Variants in TRAPPC9 observed in about 807,000 individuals in gnomAD.
TRAPPC9 encodes trafficking protein particle complex subunit 9.
Under a neutral mutation model 124.0 loss-of-function variants are expected in TRAPPC9, and 83 were observed. The ratio of observed to expected loss-of-function variants is 0.67; its 90% CI spans 0.56 to 0.80. The LOEUF (loss-of-function observed/expected upper bound fraction) is 0.80, where lower values mean the gene tolerates loss of function less well. Ranked by LOEUF, TRAPPC9 falls within the 30% of genes least tolerant of loss-of-function variation. The probability of loss-of-function intolerance (pLI) is 0.00; values close to 1 mark genes in which losing one functional copy is unlikely to be tolerated. For synonymous variants in TRAPPC9, 638 were observed against 617.5 expected (o/e 1.03, Z -0.49); for missense variants, 1,302 against 1,508.3 (o/e 0.86, Z 2.27).
intron 19 of TRAPPC9, among the ~76,000 whole-genome samples, chr8:139,924,481 T>A (rs1469188808): frequency 6.6e-6 from 1 of 152,198 alleles, no homozygotes; most frequent in South Asian, 2.1e-4. Context: ...CTTGCCTGCA[T>A]ACGTGTACCA....
intron 16 of TRAPPC9, among the ~76,000 whole-genome samples, chr8:140,224,405 T>A (rs1052993045): frequency 2.0e-5 from 3 of 152,142 alleles, no homozygotes; most frequent in Non-Finnish European, 4.4e-5. Context: ...GCCTGCAGAT[T>A]TCAGAAGAGT....
At chr8:140,452,419 C>CAA (rs1161960216) in intron 1 of TRAPPC9, among the ~76,000 whole-genome samples, 37 of 39,900 alleles carry the variant, frequency 9.3e-4, no homozygotes, top group East Asian at 2.0e-3. Flanking sequence ...GACTGCATCT[C>CAA]AAAAAAAAAA....
At chr8:140,133,685 A>G (rs935577307) in intron 17 of TRAPPC9, among the ~76,000 whole-genome samples, 1 of 152,262 alleles carries the variant, frequency 6.6e-6, no homozygotes, top group Non-Finnish European at 1.5e-5. Flanking sequence ...GAAAGCTACT[A>G]GAGCTAATAA....
intron 16 of TRAPPC9, among the ~76,000 whole-genome samples, chr8:140,251,973 T>A (rs2064140723): frequency 6.6e-6 from 1 of 152,136 alleles, no homozygotes. Flanking sequence ...ACTGAAAGAC[T>A]CCACACTGCC....
intron 18 of TRAPPC9, among the ~76,000 whole-genome samples, chr8:139,996,712 T>C (rs1040653605): frequency 3.3e-5 from 5 of 152,220 alleles, no homozygotes; most frequent in Admixed American, 3.3e-4. Context: ...AAAAAGTTTT[T>C]TGTTTTTGCT....
intron 6 of TRAPPC9, among the ~76,000 whole-genome samples, chr8:140,404,290 G>A (rs2069392083): frequency 6.6e-6 from 1 of 152,068 alleles, no homozygotes; most frequent in Admixed American, 6.6e-5. Flanking sequence ...GGGCAAAAAT[G>A]TTCAGTAAAG....
chr8:140,439,815 T>C (rs1369293787), intron 2 of TRAPPC9, among the ~76,000 whole-genome samples: 1 of 152,220 alleles, frequency 6.6e-6, no homozygotes, highest in Non-Finnish European at 1.5e-5. Flanking sequence ...TTTTATCATT[T>C]TTAAATACAT....
chr8:140,317,941 C>T (rs2066483397), intron 9 of TRAPPC9, among the ~76,000 whole-genome samples: 1 of 152,074 alleles, frequency 6.6e-6, no homozygotes, highest in Admixed American at 6.5e-5. Flanking sequence ...AGGAACAACC[C>T]TGGACATTTG....
intron 11 of TRAPPC9, among the ~76,000 whole-genome samples, chr8:140,299,747 G>A (rs988282007): frequency 2.0e-5 from 3 of 152,240 alleles, no homozygotes; most frequent in Admixed American, 6.5e-5. Context: ...GGACAGGGCC[G>A]GTGGTGCATG....
At chr8:139,762,363 T>A (rs1246469726) in intron 21 of TRAPPC9, among the ~76,000 whole-genome samples, 3 of 152,124 alleles carry the variant, frequency 2.0e-5, no homozygotes, top group Non-Finnish European at 4.4e-5. Flanking sequence ...AGCTTAACAC[T>A]GCGGATAGGT....
At chr8:139,923,761 G>A (rs949468712) in intron 19 of TRAPPC9, among the ~76,000 whole-genome samples, 2 of 152,200 alleles carry the variant, frequency 1.3e-5, no homozygotes, top group Non-Finnish European at 2.9e-5. Flanking sequence ...GAACTAAGAG[G>A]CACCCAAAAG....
chr8:139,911,469 C>T (rs1223703723), intron 19 of TRAPPC9, among the ~76,000 whole-genome samples: 2 of 152,034 alleles, frequency 1.3e-5, no homozygotes, highest in African/African-American at 2.4e-5. Flanking sequence ...TTTGGGAGGC[C>T]GAGGCCGGCA....
chr8:139,741,647 A>T (rs969697743), intron 21 of TRAPPC9, among the ~76,000 whole-genome samples: 2 of 151,842 alleles, frequency 1.3e-5, no homozygotes, highest in African/African-American at 4.8e-5. Context: ...GAAACCCTGT[A>T]CCCTTTTAGC....
intron 9 of TRAPPC9, among the ~76,000 whole-genome samples, chr8:140,334,206 C>A (rs2066972646): frequency 6.6e-6 from 1 of 152,218 alleles, no homozygotes; most frequent in Non-Finnish European, 1.5e-5. Flanking sequence ...AATATCCACC[C>A]TCTATAAGGA....
rs1215243584 is a variant in TRAPPC9 at position 139,729,241 on chromosome 8, T to G, written c.*1820A>C. On this transcript the variant is annotated 3_prime_UTR_variant, in exon 23 of 23. Coordinates refer to ENST00000438773, the MANE Select transcript of TRAPPC9 (RefSeq NM_001160372.4). Reference sequence around the variant, plus strand: ...TTCTGAGGCATAGAAAATTTATAATTTGGGGGGACATTGTCTACACAAGTG... The same window carrying G: ...TTCTGAGGCATAGAAAATTTATAATGTGGGGGGACATTGTCTACACAAGTG... Among the ~76,000 whole-genome samples, 1 of 152,228 alleles carries G rather than the reference T, an allele frequency of 6.6e-6. No homozygotes were observed. Among genetic ancestry groups the G allele is most frequent in the Non-Finnish European group, 1.5e-5 (1 of 68,036 alleles).
intron 2 of TRAPPC9, among the ~76,000 whole-genome samples, chr8:140,440,933 T>C (rs556778546): frequency 8.6e-5 from 13 of 150,844 alleles, no homozygotes; most frequent in Non-Finnish European, 1.9e-4. Context: ...CTCTGCACTT[T>C]GGGTTAAGTG....
chr8:139,752,926 TACCCATGCATCC>T (rs563644131), intron 21 of TRAPPC9, among the ~76,000 whole-genome samples: 1,591 of 135,652 alleles, frequency 0.012, 20 homozygotes, highest in African/African-American at 0.042. Flanking sequence ...ATCCAGCATC[TACCCATGCATCC>T]ACCCATCTAC....
chr8:140,255,442 T>C (rs2064229310), intron 15 of TRAPPC9, among the ~76,000 whole-genome samples: 1 of 152,210 alleles, frequency 6.6e-6, no homozygotes, highest in Admixed American at 6.5e-5. Flanking sequence ...TTCAGATGCT[T>C]TGCAAACTGA....
At chr8:140,311,429 T>G in intron 9 of TRAPPC9, 55 bp from the exon 10 acceptor site, 1 of 1,601,584 alleles carries the variant, frequency 6.2e-7, no homozygotes, top group Non-Finnish European at 8.5e-7. Context: ...TCAAAGTGGC[T>G]GGCTTTCATT....
Sources: allele counts gnomAD v4.1 joint callset (sites outside exome capture counted in the v4.1 genomes callset), GRCh38; gene constraint gnomAD v4.1.1; transcripts MANE v1.5; gene names NCBI Gene and HGNC (gene_info 2026-07-23, HGNC 2026-07-21).